The following COL4A4 variants were observed in gnomAD, a reference collection of about 807,000 sequenced individuals.
The protein encoded by COL4A4 is collagen alpha-4(IV) chain.
Under a neutral mutation model 192.9 loss-of-function variants are expected in COL4A4, and 105 were observed. The observed-to-expected ratio is 0.54, with a 90% CI of 0.46 to 0.64. The LOEUF (loss-of-function observed/expected upper bound fraction) is 0.64, where lower values mean the gene tolerates loss of function less well. Among genes scored for constraint, COL4A4 ranks in the 30% least tolerant of loss-of-function variants. The probability of loss-of-function intolerance (pLI) is 0.00; values close to 1 mark genes in which losing one functional copy is unlikely to be tolerated. For synonymous variants in COL4A4, 762 were observed against 769.9 expected (o/e 0.99, Z 0.17); for missense variants, 1,967 against 2,169.3 (o/e 0.91, Z 1.85).
intron 13 of COL4A4, 62 bp from the exon 14 acceptor site, chr2:227,103,259 T>A: frequency 7.9e-7 from 1 of 1,261,554 alleles, no homozygotes; most frequent in Non-Finnish European, 1.1e-6. Context: ...GAATTCCATC[T>A]CCTTCAGAAA....
chr2:227,154,310 A>G (rs144578605), intron 1 of COL4A4, among the ~76,000 whole-genome samples: 32 of 152,284 alleles, frequency 2.1e-4, no homozygotes, highest in African/African-American at 7.5e-4. Context: ...AGATCTTCCA[A>G]ATCATTATCT....
intron 26 of COL4A4, among the ~76,000 whole-genome samples, chr2:227,061,461 C>T (rs1190657258): frequency 6.6e-6 from 1 of 152,194 alleles, no homozygotes; most frequent in African/African-American, 2.4e-5. Flanking sequence ...AAAGCCTGGC[C>T]TTGCAATGAG....
chr2:226,977,984 T>C, the COL4A4 span, among the ~76,000 whole-genome samples: 3 of 152,260 alleles, frequency 2.0e-5, no homozygotes, highest in African/African-American at 7.2e-5. Flanking sequence ...TTCTCTATAG[T>C]ATTTAAAGCT....
chr2:227,041,846 A>AAGAGAGAG (rs767450885), intron 37 of COL4A4, among the ~76,000 whole-genome samples: 34 of 39,320 alleles, frequency 8.6e-4, no homozygotes, highest in Middle Eastern at 0.011. Flanking sequence ...GAAAGAAAGA[A>AAGAGAGAG]AGAGAAAGAA....
At chr2:226,982,884 C>T in the COL4A4 span, among the ~76,000 whole-genome samples, 1 of 152,314 alleles carries the variant, frequency 6.6e-6, no homozygotes, top group Non-Finnish European at 1.5e-5. Context: ...ACTCCAGTGT[C>T]ATCACAAATA....
At chr2:227,093,273 A>G (rs73082211) in intron 20 of COL4A4, among the ~76,000 whole-genome samples, 2,524 of 152,184 alleles carry the variant, frequency 0.017, 75 homozygotes, top group African/African-American at 0.058. Context: ...TCATAATGCT[A>G]ATAAAAAGCC....
In COL4A4 at chr2:227,019,278, C is replaced by G. The variant is rs765316820; in HGVS notation, c.4216+2770G>C. On this transcript the variant is annotated intron_variant, in intron 44 of 47. Coordinates refer to ENST00000396625, the MANE Select transcript of COL4A4 (RefSeq NM_000092.5). ...TTGCTAAGAAACGTTCTACTCTTAGCTGAATCTTTAAGGAGTGCATTCATA... is the reference window on the plus strand; with the variant it reads ...TTGCTAAGAAACGTTCTACTCTTAGGTGAATCTTTAAGGAGTGCATTCATA... Among the ~76,000 whole-genome samples, 184 of 152,342 alleles carry G rather than the reference C, an allele frequency of 1.2e-3. 5 individuals carry two copies. Among genetic ancestry groups the G allele is most frequent in the South Asian group, 2.1e-4 (1 of 4,826 alleles).
chr2:227,022,270 T>C lies in COL4A4; in HGVS notation c.4091-97A>G. ...TAAAGTTGGACTTCTGACACTATAC[T>C]GAAATTTAGTACAAATTCAGTATAA... On this transcript the variant is annotated intron_variant, in intron 43 of 47. Coordinates refer to ENST00000396625, the MANE Select transcript of COL4A4 (RefSeq NM_000092.5). The C allele has an allele frequency of 2.3e-6, 3 of 1,329,164 alleles. No homozygotes were observed. The South Asian group carries it at 3.5e-5, about 16-fold the overall frequency. 82.3% of individuals were successfully genotyped at this position (1,329,164 alleles called of 1,614,324 possible). A position where few individuals can be genotyped will look rare whatever the true frequency, so the allele number is the denominator to read the frequency against.
the COL4A4 span, among the ~76,000 whole-genome samples, chr2:226,981,898 A>G: frequency 2.0e-5 from 3 of 151,980 alleles, no homozygotes; most frequent in Non-Finnish European, 4.4e-5. Flanking sequence ...CACGTATCTC[A>G]TGGAGCTTAT....
chr2:227,090,427 C>G (rs145841298), intron 20 of COL4A4, among the ~76,000 whole-genome samples: 2 of 152,034 alleles, frequency 1.3e-5, no homozygotes, highest in African/African-American at 4.8e-5. Context: ...CTCCCCAAAT[C>G]CCAGTAGAGT....
At chr2:227,140,419 T>C (rs1022839214) in intron 3 of COL4A4, among the ~76,000 whole-genome samples, 181 bp from the exon 4 acceptor site, 8 of 152,216 alleles carry the variant, frequency 5.3e-5, no homozygotes, top group African/African-American at 1.9e-4. Flanking sequence ...GGGTTGATTA[T>C]ATGAGCAAGA....
Position 227,010,343 on chromosome 2 carries a change from C to G in COL4A4, c.4492G>C (p.Gly1498Arg). 1 of 1,614,230 alleles carries G rather than the reference C, an allele frequency of 6.2e-7. No individual in the cohort carries two copies. The highest frequency in any genetic ancestry group is 8.5e-7 in the Non-Finnish European group (1 of 1,180,048). Residue 1498 changes from glycine to arginine, a missense_variant, in exon 46 of 48, where the codon GGG becomes CGG. Coordinates refer to ENST00000396625, the MANE Select transcript of COL4A4 (RefSeq NM_000092.5). ...WTGYSLLYLE[G>R]QEKAHNQDLG... ...TCTTGATTGTGAGCTTTCTCTTGCC[C>G]TTCCAGGTATAACAGACTATACCCA...
Position 227,062,614 on chromosome 2 carries a change from A to T in COL4A4, c.1988-16T>A. The T allele has an allele frequency of 6.2e-7, 1 of 1,600,250 alleles. No individual in the cohort carries two copies. The highest frequency in any genetic ancestry group is 8.6e-7 in the Non-Finnish European group (1 of 1,167,430). ...ATTGTGTCACCTGCAATGAGAAAAGAAAAGCGGCATTCACATAACTGATAG... is the reference window on the plus strand; with the variant it reads ...ATTGTGTCACCTGCAATGAGAAAAGTAAAGCGGCATTCACATAACTGATAG... On this transcript the variant is annotated splice_polypyrimidine_tract_variant and intron_variant, in intron 25 of 47. Coordinates refer to ENST00000396625, the MANE Select transcript of COL4A4 (RefSeq NM_000092.5).
intron 25 of COL4A4, among the ~76,000 whole-genome samples, chr2:227,074,892 G>A (rs566629448): frequency 2.0e-5 from 3 of 152,198 alleles, no homozygotes; most frequent in African/African-American, 7.2e-5. Context: ...GGACTTCAGA[G>A]ATTCAGAAAA....
chr2:226,984,660 C>T, the COL4A4 span, among the ~76,000 whole-genome samples: 2 of 152,152 alleles, frequency 1.3e-5, no homozygotes, highest in Non-Finnish European at 2.9e-5. Context: ...GGGTCGTAGG[C>T]TAAGGAATTA....
rs768676046 is a variant in COL4A4 at position 227,082,182 on chromosome 2, C to G, written c.1629G>C (p.Lys543Asn). The change falls in exon 23 of 48, where the codon AAG (lysine) becomes AAC (asparagine). Residue 543 changes from lysine to asparagine, a missense_variant. Coordinates refer to ENST00000396625, the MANE Select transcript of COL4A4 (RefSeq NM_000092.5). Reference sequence around the variant, plus strand: ...TGCCAGGTGGTCCAGAGGCACCATGCTTTCCCTTGGTGAAAAATAAGAGAA... The same window carrying G: ...TGCCAGGTGGTCCAGAGGCACCATGGTTTCCCTTGGTGAAAAATAAGAGAA... ...GAEGPPGLPG[K>N]HGASGPPGNK... is the part of the protein sequence containing the mutation. 4.3e-6 allele frequency: 7 copies of G among 1,613,876 alleles called. No individual in the cohort carries two copies. In the African/African-American group the frequency reaches 6.7e-5, roughly 15 times the overall value.
intron 44 of COL4A4, among the ~76,000 whole-genome samples, chr2:227,017,464 G>A (rs4234066): frequency 0.48 from 73,137 of 152,150 alleles, 17,988 homozygotes; most frequent in African/African-American, 0.58. Flanking sequence ...GAGAGGGCAA[G>A]TGTTGCCTTG....
chr2:227,025,938 A>C, intron 42 of COL4A4, 128 bp from the exon 43 acceptor site: 1 of 802,008 alleles, frequency 1.2e-6, no homozygotes, highest in Non-Finnish European at 2.1e-6. Context: ...TTGAGGCAGC[A>C]TCAATGACAA....
intron 37 of COL4A4, among the ~76,000 whole-genome samples, chr2:227,037,769 G>A (rs947981919): frequency 7.8e-6 from 1 of 128,906 alleles, no homozygotes; most frequent in Non-Finnish European, 1.6e-5. Context: ...ACTTTTTAAT[G>A]ATCTCCATTC....
Sources: allele counts gnomAD v4.1 joint callset (sites outside exome capture counted in the v4.1 genomes callset), GRCh38; gene constraint gnomAD v4.1.1; transcripts MANE v1.5; gene names NCBI Gene and HGNC (gene_info 2026-07-23, HGNC 2026-07-21).